SCMH1: variants seen among roughly 807,000 people sequenced by gnomAD.
The protein encoded by SCMH1 is polycomb protein SCMH1.
Under a neutral mutation model 70.8 loss-of-function variants are expected in SCMH1, and 37 were observed. The ratio of observed to expected loss-of-function variants is 0.52; its 90% CI spans 0.40 to 0.69. SCMH1 has a LOEUF of 0.69. SCMH1 is among the 30% of genes least tolerant of loss of function. SCMH1 has a pLI of 0.00. For synonymous variants in SCMH1, 292 were observed against 307.4 expected (o/e 0.95, Z 0.52); for missense variants, 607 against 827.3 (o/e 0.73, Z 3.27).
intron 6 of SCMH1, among the ~76,000 whole-genome samples, chr1:41,135,426 A>G (rs1218159980): frequency 6.6e-6 from 1 of 152,146 alleles, no homozygotes; most frequent in Non-Finnish European, 1.5e-5. Flanking sequence ...ATAATGAGTA[A>G]GTTCTCACAA....
chr1:41,183,162 G>A (rs1649295202), intron 2 of SCMH1, among the ~76,000 whole-genome samples: 1 of 152,132 alleles, frequency 6.6e-6, no homozygotes, highest in African/African-American at 2.4e-5. Context: ...TCCGTCAGTT[G>A]TATCTCTAAA....
Position 41,077,270 on chromosome 1 carries a change from G to T in SCMH1, c.746-1819C>A, listed in dbSNP as rs574959785. ...TCTGCTAATTTTGGCATAAACTAAG[G>T]ATCAGGCTTGGCATGTGGTGAGGGG... On this transcript the variant is annotated intron_variant, in intron 8 of 14. Coordinates refer to ENST00000337495, the Ensembl canonical transcript of SCMH1. Among the ~76,000 whole-genome samples, 128 of 152,180 alleles carry T rather than the reference G, an allele frequency of 8.4e-4. 1 individual carries two copies. Among genetic ancestry groups the T allele is most frequent in the African/African-American group, 2.7e-3 (111 of 41,526 alleles).
At position 41,056,857 on chromosome 1, in the gene SCMH1, A is replaced by G. The variant is rs1004289013; in HGVS notation, c.1106-7967T>C. Among the ~76,000 whole-genome samples, 22 of 152,188 alleles carry G rather than the reference A, an allele frequency of 1.4e-4. No individual in the cohort carries two copies. The East Asian group carries it at 2.7e-3, about 19-fold the overall frequency. ...GCTCAACCGGATTCTCACAGTAAATATAAGAGAAAAATACCCTCATGCTTT... is the reference window on the plus strand; with the variant it reads ...GCTCAACCGGATTCTCACAGTAAATGTAAGAGAAAAATACCCTCATGCTTT... On this transcript the variant is annotated intron_variant, in intron 10 of 14. Coordinates refer to ENST00000337495, the Ensembl canonical transcript of SCMH1.
chr1:41,035,222 G>C (rs1645119962), intron 13 of SCMH1, among the ~76,000 whole-genome samples: 1 of 152,154 alleles, frequency 6.6e-6, no homozygotes, highest in African/African-American at 2.4e-5. Context: ...TGCCTTCCCA[G>C]ATGTAGTGGT....
chr1:41,211,270 G>C (rs888409857), intron 1 of SCMH1, among the ~76,000 whole-genome samples: 2 of 152,122 alleles, frequency 1.3e-5, no homozygotes, highest in Admixed American at 6.5e-5. Context: ...CCGTCCATCT[G>C]ACAAAGGGCT....
chr1:41,161,484 A>C lies in SCMH1; in HGVS notation c.14-52T>G, dbSNP rs1646026532. ...GTGGAAAGAAAGTATAAGATTAAAT[A>C]CTTTTCCAATTTGGCAGTATGTATT... On this transcript the variant is annotated intron_variant, in intron 2 of 14. Transcript: ENST00000337495. The C allele has an allele frequency of 2.6e-6, 4 of 1,509,498 alleles. No individual in the cohort carries two copies. The South Asian group carries it at 3.9e-5, about 15-fold the overall frequency. 93.5% of individuals were successfully genotyped at this position (1,509,498 alleles called of 1,614,324 possible).
At chr1:41,091,642 T>C (rs1663550574) in intron 8 of SCMH1, among the ~76,000 whole-genome samples, 1 of 152,184 alleles carries the variant, frequency 6.6e-6, no homozygotes, top group South Asian at 2.1e-4. Flanking sequence ...AACCCCATCA[T>C]CTCAGCCCAA....
At chr1:41,043,823 A>C (rs561878481) in intron 12 of SCMH1, 1 of 152,138 alleles carries the variant, frequency 6.6e-6, no homozygotes, top group Non-Finnish European at 1.5e-5. Flanking sequence ...GTATTTAAGG[A>C]TAAAATCTCT....
At chr1:41,069,507 A>G (rs2300653) in intron 10 of SCMH1, among the ~76,000 whole-genome samples, 11,884 of 152,276 alleles carry the variant, frequency 0.078, 596 homozygotes, top group South Asian at 0.13. Context: ...ATGAATGTGT[A>G]TAACTGACAC....
At chr1:41,079,421 A>G (rs760936181) in intron 8 of SCMH1, among the ~76,000 whole-genome samples, 1 of 152,214 alleles carries the variant, frequency 6.6e-6, no homozygotes, top group Non-Finnish European at 1.5e-5. Context: ...CAAAATATAA[A>G]AACACAGGAA....
chr1:41,054,339 T>A lies in SCMH1; in HGVS notation c.1106-5449A>T, dbSNP rs1322969083. 3.3e-5 allele frequency among the ~76,000 whole-genome samples: 5 copies of A among 152,288 alleles called. No homozygotes were observed. In the South Asian group the frequency reaches 1.0e-3, roughly 32 times the overall value. ...CAGACAAAGTAATGAAAGTATCACC[T>A]GGCTTCTCCCTGCTTATGATAAAAT... On this transcript the variant is annotated intron_variant, in intron 10 of 14. Coordinates refer to ENST00000337495, the Ensembl canonical transcript of SCMH1.
chr1:41,121,793 A>G (rs1672016071), intron 6 of SCMH1, among the ~76,000 whole-genome samples: 1 of 152,098 alleles, frequency 6.6e-6, no homozygotes. Context: ...TTCCCTCCAA[A>G]CTTGTTCTTT....
At chr1:41,116,941 G>T in exon 7 of SCMH1, 1 of 1,600,582 alleles carries the variant, frequency 6.2e-7, no homozygotes, top group Non-Finnish European at 8.5e-7. Context: ...AATCCTGATG[G>T]GAGCCATCTC....
intron 8 of SCMH1, among the ~76,000 whole-genome samples, chr1:41,086,870 CA>C (rs1661830747): frequency 1.3e-5 from 1 of 75,804 alleles, no homozygotes; most frequent in Admixed American, 1.4e-4. Flanking sequence ...ACCCTTGTTT[CA>C]AAAAACAAAA....
intron 6 of SCMH1, among the ~76,000 whole-genome samples, chr1:41,124,116 AT>A (rs1672591752): frequency 6.6e-6 from 1 of 152,176 alleles, no homozygotes; most frequent in South Asian, 2.1e-4. Context: ...CAAAAACTAT[AT>A]AATGAACAAT....
chr1:41,229,988 T>C (rs1322693407), intron 1 of SCMH1, among the ~76,000 whole-genome samples: 2 of 152,152 alleles, frequency 1.3e-5, no homozygotes, highest in Non-Finnish European at 2.9e-5. Context: ...GAGCTTCACA[T>C]CTTCAAGAAA....
At chr1:41,135,314 C>T (rs1026291392) in intron 6 of SCMH1, among the ~76,000 whole-genome samples, 1 of 152,120 alleles carries the variant, frequency 6.6e-6, no homozygotes. Flanking sequence ...CACCCAAATC[C>T]TCATCTTGAA....
At chr1:41,032,978 CAA>C (rs1327396809) in intron 13 of SCMH1, among the ~76,000 whole-genome samples, 25 of 68,944 alleles carry the variant, frequency 3.6e-4, no homozygotes, top group East Asian at 4.3e-4. Context: ...GACTCTGTCT[CAA>C]AAAAAAAAAA....
chr1:41,049,363 C>G (rs1022643689), intron 10 of SCMH1, among the ~76,000 whole-genome samples: 2 of 151,090 alleles, frequency 1.3e-5, no homozygotes, highest in Admixed American at 6.6e-5. Context: ...ATAGTTGCAC[C>G]ATTGATCATT....
Sources: gnomAD v4.1 joint callset for allele counts (sites outside exome capture counted in the v4.1 genomes callset) on GRCh38, gnomAD v4.1.1 for gene constraint, MANE v1.5 for transcripts, NCBI Gene and HGNC (gene_info 2026-07-23, HGNC 2026-07-21) for gene names.